CSRP3: variants seen among roughly 807,000 people sequenced by gnomAD.
CSRP3 encodes the protein cysteine and glycine-rich protein 3.
Under a neutral mutation model 24.3 loss-of-function variants are expected in CSRP3, and 24 were observed. That is an observed-to-expected ratio of 0.99 (90% CI 0.71 to 1.39). The LOEUF is 1.39. Among genes scored for constraint, CSRP3 ranks in the 40% most tolerant of loss-of-function variants. CSRP3 has a pLI of 0.00. For synonymous variants in CSRP3, 105 were observed against 94.0 expected, an observed-to-expected ratio of 1.12 and a Z score of -0.68; for missense variants, 240 against 249.0, an observed-to-expected ratio of 0.96 and a Z score of 0.24.
chr11:19,201,473 C>T (rs192922909), intron 1 of CSRP3, among the ~76,000 whole-genome samples: 1 of 152,178 alleles, frequency 6.6e-6, no homozygotes, highest in African/African-American at 2.4e-5. Flanking sequence ...CTGTGCAGTA[C>T]TTTACAGTTT....
At position 19,201,184 on chromosome 11, in the gene CSRP3, A is replaced by T. The variant is rs183094589; in HGVS notation, c.-29+770T>A. 2.6e-5 allele frequency among the ~76,000 whole-genome samples: 4 copies of T among 152,330 alleles called. No individual in the cohort carries two copies. The East Asian group carries it at 7.7e-4, about 29-fold the overall frequency. ...ACTAAAACCTAGAGGAAACAGTGGG[A>T]ATCCTAACCACTGGATAAATTATCC... On this transcript the variant is annotated intron_variant, in intron 1 of 5. Transcript: ENST00000265968.
chr11:19,188,401 A>AG (rs1850564590), intron 2 of CSRP3, 97 bp from the exon 3 acceptor site: 5 of 1,345,126 alleles, frequency 3.7e-6, no homozygotes, highest in South Asian at 1.2e-5. Context: ...ACCCAGCATG[A>AG]GGGGCCCCTG....
intron 3 of CSRP3, among the ~76,000 whole-genome samples, chr11:19,187,668 G>T (rs2133510359): frequency 6.6e-6 from 1 of 152,290 alleles, no homozygotes; most frequent in Admixed American, 6.5e-5. Context: ...TTACTCTGAG[G>T]CACAGCCCAT....
At chr11:19,193,223 T>C (rs1850643978) in intron 1 of CSRP3, among the ~76,000 whole-genome samples, 1 of 152,234 alleles carries the variant, frequency 6.6e-6, no homozygotes. Context: ...CTGCTGTTCA[T>C]ATCAGGATGA....
intron 1 of CSRP3, among the ~76,000 whole-genome samples, chr11:19,194,820 G>A (rs539690808): frequency 1.3e-5 from 2 of 152,178 alleles, no homozygotes; most frequent in Admixed American, 1.3e-4. Context: ...ACATTCATTC[G>A]TTCATTCATT....
intron 1 of CSRP3, among the ~76,000 whole-genome samples, chr11:19,199,335 G>A (rs760623320): frequency 1.3e-5 from 2 of 152,182 alleles, no homozygotes; most frequent in African/African-American, 2.4e-5. Flanking sequence ...AGAACAGGTT[G>A]CTCATTGCCA....
chr11:19,188,085 C>T, intron 3 of CSRP3, 51 bp downstream of exon 3: 2 of 1,610,052 alleles, frequency 1.2e-6, no homozygotes, highest in Non-Finnish European at 1.7e-6. Flanking sequence ...AATGAACTGT[C>T]CTGATAATTG....
chr11:19,201,182 G>A (rs1307415905), intron 1 of CSRP3, among the ~76,000 whole-genome samples: 1 of 152,174 alleles, frequency 6.6e-6, no homozygotes, highest in Non-Finnish European at 1.5e-5. Flanking sequence ...GGAAACAGTG[G>A]GAATCCTAAC....
chr11:19,188,077 T>C (rs1464411660), intron 3 of CSRP3, 59 bp downstream of exon 3: 2 of 1,605,026 alleles, frequency 1.2e-6, no homozygotes, highest in African/African-American at 2.7e-5. Flanking sequence ...GGGAACGAAA[T>C]GAACTGTCCT....
intron 2 of CSRP3, among the ~76,000 whole-genome samples, chr11:19,190,877 G>A (rs1850602527): frequency 6.6e-6 from 1 of 152,146 alleles, no homozygotes; most frequent in South Asian, 2.1e-4. Flanking sequence ...ATATCAAAGG[G>A]TTAAAAGGGA....
intron 1 of CSRP3, among the ~76,000 whole-genome samples, chr11:19,197,593 A>G (rs536169633): frequency 2.5e-5 from 3 of 117,648 alleles, no homozygotes; most frequent in African/African-American, 6.8e-5. Flanking sequence ...ACTACCAACT[A>G]TAAAGCTGAG....
At chr11:19,188,022 G>A (rs1850554433) in intron 3 of CSRP3, 114 bp downstream of exon 3, 2 of 1,253,428 alleles carry the variant, frequency 1.6e-6, no homozygotes, top group Non-Finnish European at 2.3e-6. Flanking sequence ...TTGTTGGCAA[G>A]TCAACAATAG....
intron 2 of CSRP3, among the ~76,000 whole-genome samples, chr11:19,190,935 G>A (rs918248677): frequency 1.3e-5 from 2 of 152,120 alleles, no homozygotes; most frequent in Non-Finnish European, 2.9e-5. Flanking sequence ...CCTTTGAACA[G>A]GGCATCTTCC....
Position 19,188,245 on chromosome 11 carries a change from A to C in CSRP3, c.172T>G (p.Cys58Gly), listed in dbSNP as rs104894204. Residue 58 changes from cysteine (C) to glycine (G), a missense_variant, in exon 3 of 6, where the codon TGC becomes GGC. By Grantham distance (159) the Cys-to-Gly change is radical. Transcript: ENST00000265968. The part of the protein sequence containing the change: ...TVAAHESEIY[C>G]KVCYGRRYGP... ...TATCTGCGCCCATAGCACACCTTGC[A>C]GTAGATCTCCGACTCATGAGCCGCG... The C allele has an allele frequency of 1.2e-6, 2 of 1,613,266 alleles. No homozygotes were observed. Among genetic ancestry groups the C allele is most frequent in the Non-Finnish European group, 1.7e-6 (2 of 1,180,000 alleles).
chr11:19,198,445 T>A (rs1013665855), intron 1 of CSRP3, among the ~76,000 whole-genome samples: 1 of 152,244 alleles, frequency 6.6e-6, no homozygotes, highest in African/African-American at 2.4e-5. Flanking sequence ...AATCAATGAC[T>A]TTCTGAGTTA....
intron 2 of CSRP3, among the ~76,000 whole-genome samples, chr11:19,188,514 C>G (rs1349840294): frequency 6.6e-6 from 1 of 151,886 alleles, no homozygotes; most frequent in African/African-American, 2.4e-5. Context: ...TTCAGTGGTT[C>G]CCAGCTGGAA....
At chr11:19,197,848 A>G (rs1009371225) in intron 1 of CSRP3, among the ~76,000 whole-genome samples, 1 of 151,884 alleles carries the variant, frequency 6.6e-6, no homozygotes, top group African/African-American at 2.4e-5. Flanking sequence ...TATGGAATCT[A>G]AGCGATAGTA....
At chr11:19,188,845 G>C (rs112235596) in intron 2 of CSRP3, among the ~76,000 whole-genome samples, 74 of 152,134 alleles carry the variant, frequency 4.9e-4, no homozygotes, top group African/African-American at 1.5e-3. Flanking sequence ...GGTGGGGAAG[G>C]GGGTAGACCT....
chr11:19,200,583 A>C (rs765924208), intron 1 of CSRP3, among the ~76,000 whole-genome samples: 16 of 152,040 alleles, frequency 1.1e-4, no homozygotes, highest in African/African-American at 2.4e-4. Flanking sequence ...TGGGCTGCAG[A>C]GCACCTGTCT....
Sources: gnomAD v4.1 joint callset for allele counts (sites outside exome capture counted in the v4.1 genomes callset) on GRCh38, gnomAD v4.1.1 for gene constraint, MANE v1.5 for transcripts, NCBI Gene and HGNC (gene_info 2026-07-23, HGNC 2026-07-21) for gene names.